The following ASIC2 variants were observed in gnomAD, a reference collection of about 807,000 sequenced individuals.
The protein encoded by ASIC2 is acid sensing ion channel subunit 2, also known as acid-sensing ion channel 2.
A neutral mutation model predicts 57.3 loss-of-function variants in ASIC2; 25 were observed. The observed-to-expected ratio is 0.44, with a 90% CI of 0.32 to 0.61. The LOEUF (loss-of-function observed/expected upper bound fraction) is 0.61, where lower values mean the gene tolerates loss of function less well. ASIC2 is among the 20% of genes least tolerant of loss of function. The pLI, the probability that ASIC2 is intolerant of heterozygous loss-of-function variation, is 0.06. For synonymous variants in ASIC2, 319 were observed against 307.5 expected (o/e 1.04, Z -0.39); for missense variants, 641 against 738.1 (o/e 0.87, Z 1.52).
chr17:33,473,111 C>A (rs1913108739), intron 1 of ASIC2, among the ~76,000 whole-genome samples: 1 of 152,202 alleles, frequency 6.6e-6, no homozygotes, highest in African/African-American at 2.4e-5. Flanking sequence ...CTCCTGCTGG[C>A]TTTGATCAGG....
chr17:33,278,048 C>T (rs1904775744), intron 1 of ASIC2, among the ~76,000 whole-genome samples: 1 of 152,148 alleles, frequency 6.6e-6, no homozygotes, highest in South Asian at 2.1e-4. Context: ...TTGGCTGTTA[C>T]CCTGTTTGGA....
At chr17:33,998,356 G>T (rs1308178962) in intron 1 of ASIC2, among the ~76,000 whole-genome samples, 1 of 151,646 alleles carries the variant, frequency 6.6e-6, no homozygotes, top group Non-Finnish European at 1.5e-5. Context: ...TCATTGTTTT[G>T]CTCATTTGCT....
intron 3 of ASIC2, among the ~76,000 whole-genome samples, chr17:33,086,078 A>G (rs1214870915): frequency 1.3e-5 from 2 of 152,210 alleles, no homozygotes; most frequent in Non-Finnish European, 2.9e-5. Context: ...TCTGTTTCAT[A>G]TTGGGAAGGG....
intron 3 of ASIC2, chr17:33,052,432 G>A (rs2091980580): frequency 6.6e-6 from 1 of 152,228 alleles, no homozygotes; most frequent in African/African-American, 2.4e-5. Context: ...CTGGGCTGCA[G>A]TAATTCTTGA....
At position 33,465,269 on chromosome 17, in the gene ASIC2, C is replaced by T. The variant is rs74402980; in HGVS notation, c.556-353202G>A. Among the ~76,000 whole-genome samples, 1,128 of 152,206 alleles carry T rather than the reference C, an allele frequency of 7.4e-3. 55 individuals carry two copies. The East Asian group carries it at 0.1, about 14-fold the overall frequency. On this transcript the variant is annotated intron_variant, in intron 1 of 9. Coordinates refer to the ASIC2 transcript ENST00000359872. ...ATGCTGAAGTTTCCTAATTGTTCAACAGGAAAATTGTTCCTTGGGCTGAAA... is the reference window on the plus strand; with the variant it reads ...ATGCTGAAGTTTCCTAATTGTTCAATAGGAAAATTGTTCCTTGGGCTGAAA...
chr17:33,067,717 A>G (rs1389311218), intron 3 of ASIC2, among the ~76,000 whole-genome samples: 1 of 152,200 alleles, frequency 6.6e-6, no homozygotes, highest in Admixed American at 6.5e-5. Flanking sequence ...CTGAAATATA[A>G]CTGAACTCTC....
intron 1 of ASIC2, among the ~76,000 whole-genome samples, chr17:33,706,669 A>G (rs1449945820): frequency 2.6e-5 from 4 of 151,612 alleles, no homozygotes; most frequent in Non-Finnish European, 5.9e-5. Context: ...TTCTTTGCCC[A>G]CTCCCTTTAT....
At chr17:33,106,362 G>T (rs1229791520) in intron 2 of ASIC2, among the ~76,000 whole-genome samples, 2 of 152,172 alleles carry the variant, frequency 1.3e-5, no homozygotes, top group African/African-American at 2.4e-5. Flanking sequence ...AGGATTTGGG[G>T]AAATCAGGGC....
intron 1 of ASIC2, among the ~76,000 whole-genome samples, chr17:33,427,908 T>C (rs1911274356): frequency 6.6e-6 from 1 of 152,244 alleles, no homozygotes; most frequent in Non-Finnish European, 1.5e-5. Flanking sequence ...CGTGGCTCTG[T>C]CTTTCTGTCT....
intron 1 of ASIC2, among the ~76,000 whole-genome samples, chr17:33,426,457 C>T (rs1911224988): frequency 6.6e-6 from 1 of 152,234 alleles, no homozygotes; most frequent in African/African-American, 2.4e-5. Context: ...CACCACAAAA[C>T]TTTGGCTGTT....
At chr17:33,188,601 T>TA (rs1043168333) in intron 1 of ASIC2, among the ~76,000 whole-genome samples, 7 of 152,088 alleles carry the variant, frequency 4.6e-5, no homozygotes, top group Non-Finnish European at 7.4e-5. Flanking sequence ...GGAACAAAGA[T>TA]AAAAATGAAA....
intron 1 of ASIC2, among the ~76,000 whole-genome samples, chr17:33,959,813 T>C (rs1297360360): frequency 6.6e-6 from 1 of 152,228 alleles, no homozygotes; most frequent in Admixed American, 6.5e-5. Context: ...TTGACACACA[T>C]ACCCAGGAAC....
intron 1 of ASIC2, among the ~76,000 whole-genome samples, chr17:33,315,744 ATGATGTCTTCCACAATGACCCTC>A (rs1186437979): frequency 2.0e-5 from 3 of 152,256 alleles, no homozygotes; most frequent in African/African-American, 7.2e-5. Flanking sequence ...AACACAGGGA[ATGATGTCTTCCACAATGACCCTC>A]TTACAAGTGT....
intron 1 of ASIC2, among the ~76,000 whole-genome samples, chr17:33,817,268 A>G (rs1467171906): frequency 2.6e-5 from 4 of 152,166 alleles, no homozygotes; most frequent in African/African-American, 9.7e-5. Context: ...CGTGCTTTTG[A>G]TGCTAGGTTT....
chr17:33,879,441 C>G (rs1296713361), intron 1 of ASIC2, among the ~76,000 whole-genome samples: 1 of 152,010 alleles, frequency 6.6e-6, no homozygotes, highest in Non-Finnish European at 1.5e-5. Flanking sequence ...AAACAAAAGG[C>G]AGGTGTTGCA....
intron 2 of ASIC2, among the ~76,000 whole-genome samples, chr17:33,101,097 G>A (rs1471182564): frequency 1.3e-5 from 2 of 152,162 alleles, no homozygotes; most frequent in Admixed American, 1.3e-4. Context: ...GTAGGTTCCT[G>A]TGCCCTGGAC....
At chr17:33,982,074 AC>A (rs1383796297) in intron 1 of ASIC2, among the ~76,000 whole-genome samples, 2 of 152,164 alleles carry the variant, frequency 1.3e-5, no homozygotes, top group Non-Finnish European at 2.9e-5. Flanking sequence ...GGAAGCTTAG[AC>A]AGATCTGCAT....
chr17:33,432,574 C>CT (rs1028934831), intron 1 of ASIC2, among the ~76,000 whole-genome samples: 14 of 152,126 alleles, frequency 9.2e-5, no homozygotes, highest in Admixed American at 6.6e-4. Flanking sequence ...TTCCTTAGGA[C>CT]TTTTTTAACA....
At chr17:33,926,187 A>C (rs1006074519) in intron 1 of ASIC2, among the ~76,000 whole-genome samples, 2 of 152,190 alleles carry the variant, frequency 1.3e-5, no homozygotes, top group African/African-American at 2.4e-5. Flanking sequence ...GAGAGGTCTA[A>C]AAATACAAAT....
Sources: allele counts gnomAD v4.1 joint callset (sites outside exome capture counted in the v4.1 genomes callset), GRCh38; gene constraint gnomAD v4.1.1; transcripts MANE v1.5; gene names NCBI Gene and HGNC (gene_info 2026-07-23, HGNC 2026-07-21).